The following ITPK1 variants were observed in gnomAD, a reference collection of about 807,000 sequenced individuals.
ITPK1 encodes the protein inositol-tetrakisphosphate 1-kinase.
A neutral mutation model predicts 45.3 loss-of-function variants in ITPK1; 21 were observed. That is an observed-to-expected ratio of 0.46 (90% confidence interval 0.33 to 0.67). ITPK1 has a LOEUF of 0.67. ITPK1 is among the 30% of genes least tolerant of loss of function. The pLI, the probability that ITPK1 is intolerant of heterozygous loss-of-function variation, is 0.02. For synonymous variants in ITPK1, 258 were observed against 253.6 expected (o/e 1.02, Z -0.16); for missense variants, 474 against 573.5 (o/e 0.83, Z 1.77).
intron 10 of ITPK1, among the ~76,000 whole-genome samples, chr14:92,942,422 C>T (rs1158362955): frequency 4.6e-5 from 7 of 152,174 alleles, no homozygotes; most frequent in African/African-American, 1.4e-4. Flanking sequence ...AGAAGGCTGC[C>T]GCCCAGGTGG....
chr14:93,065,357 C>T (rs2139959968), intron 3 of ITPK1, among the ~76,000 whole-genome samples: 1 of 152,338 alleles, frequency 6.6e-6, no homozygotes, highest in Non-Finnish European at 1.5e-5. Flanking sequence ...TCACGCTTCC[C>T]TGGGCCACTG....
chr14:92,946,536 TG>T, intron 9 of ITPK1, 43 bp from the exon 10 acceptor site: 1 of 1,592,834 alleles, frequency 6.3e-7, no homozygotes, highest in Non-Finnish European at 8.6e-7. Flanking sequence ...GCCGAGGAGC[TG>T]CGAAGCCACA....
At chr14:92,970,638 A>T (rs1595097682) in intron 5 of ITPK1, among the ~76,000 whole-genome samples, 1 of 143,760 alleles carries the variant, frequency 7.0e-6, no homozygotes, top group African/African-American at 2.5e-5. Flanking sequence ...TCGCAGCATC[A>T]TTTTTTTTTT....
At position 92,962,408 on chromosome 14, in the gene ITPK1, G is replaced by A. The variant is rs777948550; in HGVS notation, c.464-13C>T. 4 of 1,596,920 alleles carry A rather than the reference G, an allele frequency of 2.5e-6. No individual in the cohort carries two copies. Among genetic ancestry groups the A allele is most frequent in the South Asian group, 1.1e-5 (1 of 90,726 alleles). On this transcript the variant is annotated splice_polypyrimidine_tract_variant and intron_variant, in intron 6 of 10. Transcript: ENST00000267615. ...CTGGTTTTGCAAACTATGGGTTGGG[G>A]AGAGAAAAGCAGAGAGAAATTAGTG...
At chr14:92,972,456 A>C (rs895866619) in intron 5 of ITPK1, among the ~76,000 whole-genome samples, 1 of 152,180 alleles carries the variant, frequency 6.6e-6, no homozygotes, top group Non-Finnish European at 1.5e-5. Flanking sequence ...GCCTCAGAAG[A>C]AGCTAACTCT....
At chr14:93,055,016 TC>T (rs1180946574) in intron 3 of ITPK1, among the ~76,000 whole-genome samples, 1 of 152,094 alleles carries the variant, frequency 6.6e-6, no homozygotes, top group Non-Finnish European at 1.5e-5. Context: ...CTGCCTCCTG[TC>T]CCCAGAGAGT....
chr14:93,043,230 G>C (rs1351588427), intron 3 of ITPK1, among the ~76,000 whole-genome samples: 3 of 152,186 alleles, frequency 2.0e-5, no homozygotes, highest in Non-Finnish European at 4.4e-5. Context: ...GCTCAGAGAA[G>C]CAAAATAACT....
At chr14:93,108,025 G>A (rs1397525929) in intron 2 of ITPK1, among the ~76,000 whole-genome samples, 1 of 152,214 alleles carries the variant, frequency 6.6e-6, no homozygotes, top group East Asian at 1.9e-4. Flanking sequence ...CACTCGGCTT[G>A]GAGCGAGGCA....
At chr14:93,109,070 T>C (rs1187483456) in intron 2 of ITPK1, among the ~76,000 whole-genome samples, 3 of 152,106 alleles carry the variant, frequency 2.0e-5, no homozygotes, top group Non-Finnish European at 4.4e-5. Context: ...GACCCAGCCC[T>C]CCTCATCTAG....
chr14:92,948,250 T>A (rs1156797107), intron 9 of ITPK1, among the ~76,000 whole-genome samples: 2 of 152,108 alleles, frequency 1.3e-5, no homozygotes, highest in African/African-American at 2.4e-5. Flanking sequence ...GATGAAAATG[T>A]TTTGGAACCA....
intron 3 of ITPK1, among the ~76,000 whole-genome samples, chr14:93,024,631 T>C (rs1888640707): frequency 6.6e-6 from 1 of 152,180 alleles, no homozygotes; most frequent in South Asian, 2.1e-4. Context: ...CCACCAGAAC[T>C]ACCGGGACCC....
chr14:93,038,315 G>A (rs927601811), intron 3 of ITPK1, among the ~76,000 whole-genome samples: 4 of 152,082 alleles, frequency 2.6e-5, no homozygotes, highest in South Asian at 2.1e-4. Flanking sequence ...GATTATAGGT[G>A]TGAGCCACCA....
At chr14:92,963,358 AC>A (rs1382802079) in intron 5 of ITPK1, among the ~76,000 whole-genome samples, 1 of 152,168 alleles carries the variant, frequency 6.6e-6, no homozygotes, top group Non-Finnish European at 1.5e-5. Flanking sequence ...TGCCGGCATC[AC>A]CTCCACAGTT....
chr14:92,941,807 C>G lies in ITPK1; in HGVS notation c.999G>C (p.Val333=). The G allele has an allele frequency of 6.2e-7, 1 of 1,611,684 alleles. No homozygotes were observed. The highest frequency in any genetic ancestry group is 8.5e-7 in the Non-Finnish European group (1 of 1,179,714). ...QSTAMAATGD[V]ALLRHSKLLA... is the part of the protein sequence containing the mutation. ...GAAGCTTGCTGTGCCTCAGCAGGGC[C>G]ACGTCCCCTGTGGCTGCCATGGCTG... The change falls in exon 11 of 11, where the codon GTG becomes GTC. Residue 333 remains valine (V), a synonymous_variant. Transcript: ENST00000267615.
At chr14:93,102,897 G>A (rs1205206817) in intron 2 of ITPK1, among the ~76,000 whole-genome samples, 1 of 150,814 alleles carries the variant, frequency 6.6e-6, no homozygotes, top group Non-Finnish European at 1.5e-5. Context: ...TCAGGAGATC[G>A]AGACCATCCT....
At position 93,023,923 on chromosome 14, in the gene ITPK1, G is replaced by A. The variant is rs111941614; in HGVS notation, c.121-7122C>T. On this transcript the variant is annotated intron_variant, in intron 3 of 10. Transcript: ENST00000267615. ...TTGGCCAAGGGGCTGCTTCATCTGT[G>A]TTATTGTTCACAGTGGCACCTGAGA... Among the ~76,000 whole-genome samples, 791 of 152,236 alleles carry A rather than the reference G, an allele frequency of 5.2e-3. 8 individuals carry two copies. The highest frequency in any genetic ancestry group is 0.018 in the African/African-American group (737 of 41,528).
At chr14:93,050,684 C>G (rs1325788515) in intron 3 of ITPK1, among the ~76,000 whole-genome samples, 1 of 151,970 alleles carries the variant, frequency 6.6e-6, no homozygotes, top group Non-Finnish European at 1.5e-5. Flanking sequence ...GGGGGGTCCA[C>G]AAGAGTAATT....
chr14:93,115,547 C>A (rs1346435723), intron 1 of ITPK1, among the ~76,000 whole-genome samples: 2 of 149,962 alleles, frequency 1.3e-5, no homozygotes, highest in Non-Finnish European at 3.0e-5. Context: ...GGAGGGGAAG[C>A]CGGGCCTCCG....
chr14:93,028,714 C>A (rs1364113534), intron 3 of ITPK1, among the ~76,000 whole-genome samples: 2 of 152,252 alleles, frequency 1.3e-5, no homozygotes, highest in African/African-American at 2.4e-5. Context: ...CCCTCCGGAA[C>A]CTCAGCAATC....
Sources: allele counts gnomAD v4.1 joint callset (sites outside exome capture counted in the v4.1 genomes callset), GRCh38; gene constraint gnomAD v4.1.1; transcripts MANE v1.5; gene names NCBI Gene and HGNC (gene_info 2026-07-23, HGNC 2026-07-21).